The following RGPD2 variants were observed in gnomAD, a reference collection of about 807,000 sequenced individuals.
The protein encoded by RGPD2 is RANBP2 like and GRIP domain containing 2.
In RGPD2, 2 loss-of-function variants were observed where a neutral mutation model predicts 36.0. The ratio of observed to expected loss-of-function variants is 0.06; its 90% CI spans 0.02 to 0.17. RGPD2 has a LOEUF of 0.17. Among genes scored for constraint, RGPD2 ranks in the 10% least tolerant of loss-of-function variants. The probability of loss-of-function intolerance (pLI) is 1.00; values close to 1 mark genes in which losing one functional copy is unlikely to be tolerated. For missense variants in RGPD2, 40 were observed against 464.3 expected, an observed-to-expected ratio of 0.09 and a Z score of 8.40; for synonymous variants, 19 against 163.8, an observed-to-expected ratio of 0.12 and a Z score of 6.75.
At chr2:87,879,175 T>C in the RGPD2 span, among the ~76,000 whole-genome samples, 1 of 152,062 alleles carries the variant, frequency 6.6e-6, no homozygotes, top group Non-Finnish European at 1.5e-5. Flanking sequence ...TGTGGGTACA[T>C]AGTAGGTACA....
chr2:87,877,804 CAAAAAAAAAAA>C, the RGPD2 span, among the ~76,000 whole-genome samples: 37 of 84,398 alleles, frequency 4.4e-4, no homozygotes, highest in African/African-American at 1.5e-3. Flanking sequence ...GACTCCGTCT[CAAAAAAAAAAA>C]AAAAAAAAAA....
intron 21 of RGPD2, among the ~76,000 whole-genome samples, chr2:87,773,177 GTAAA>G (rs1685182161): frequency 8.1e-6 from 1 of 123,124 alleles, no homozygotes; most frequent in Admixed American, 8.8e-5. Context: ...ATAAGACAAT[GTAAA>G]ACACTATCAG....
chr2:87,883,086 TA>T, the RGPD2 span, among the ~76,000 whole-genome samples: 2 of 152,276 alleles, frequency 1.3e-5, no homozygotes, highest in Admixed American at 6.5e-5. Flanking sequence ...TTATAAAGTG[TA>T]AAAACAAAAC....
chr2:87,825,426 G>A (rs902285603), intron 1 of RGPD2, among the ~76,000 whole-genome samples: 2 of 116,414 alleles, frequency 1.7e-5, no homozygotes, highest in Non-Finnish European at 3.8e-5. Flanking sequence ...GGCCGCCGCC[G>A]CCGCCGCCGC....
chr2:87,854,097 C>G, the RGPD2 span, among the ~76,000 whole-genome samples: 2 of 146,828 alleles, frequency 1.4e-5, no homozygotes, highest in Non-Finnish European at 3.0e-5. Context: ...CCAGGCTGAA[C>G]ATATTATTAT....
the RGPD2 span, among the ~76,000 whole-genome samples, chr2:87,861,630 C>T: frequency 1.3e-5 from 2 of 152,210 alleles, no homozygotes; most frequent in South Asian, 4.1e-4. Flanking sequence ...GGAAAATTTT[C>T]AATTTCTTAA....
chr2:87,967,364 C>T, the RGPD2 span, among the ~76,000 whole-genome samples: 82 of 149,896 alleles, frequency 5.5e-4, no homozygotes, highest in East Asian at 0.011. Flanking sequence ...GCCGAGATTG[C>T]GCCACTGCAC....
the RGPD2 span, among the ~76,000 whole-genome samples, chr2:87,988,541 A>ATATATATATATTTTT: frequency 3.0e-4 from 16 of 54,142 alleles, no homozygotes; most frequent in Middle Eastern, 0.012. Flanking sequence ...ATATATATAT[A>ATATATATATATTTTT]TTTTTTTTTT....
In RGPD2 at chr2:87,756,167, T is replaced by G. The variant is rs1684715064; in HGVS notation, c.*1225A>C. 1 of 42,828 alleles carries G rather than the reference T, an allele frequency of 2.3e-5. No individual in the cohort carries two copies. The highest frequency in any genetic ancestry group is 5.3e-5 in the Non-Finnish European group (1 of 18,834). 2.7% of individuals were successfully genotyped at this position (42,828 alleles called of 1,614,324 possible). On this transcript the variant is annotated 3_prime_UTR_variant, in exon 23 of 23. Transcript: ENST00000398146. ...CACTAGCAAACACCTGCCAGCTGCA[T>G]GTGGACCCAGGTGGGCACCGGACTG...
intron 1 of RGPD2, chr2:87,824,969 C>T: frequency 2.6e-6 from 1 of 389,066 alleles, no homozygotes; most frequent in Non-Finnish European, 4.5e-6. Flanking sequence ...TACCGTATGG[C>T]CCACCATAAT....
the RGPD2 span, chr2:87,972,854 A>G: frequency 5.2e-5 from 83 of 1,611,118 alleles, 3 homozygotes; most frequent in Middle Eastern, 2.2e-4. Context: ...GACTGTCCTC[A>G]TCCTCTTTAG....
chr2:87,978,074 GC>G, the RGPD2 span, among the ~76,000 whole-genome samples: 1 of 149,086 alleles, frequency 6.7e-6, no homozygotes. Flanking sequence ...CTGAGATCAT[GC>G]CACTGCACTA....
chr2:87,986,267 C>T, the RGPD2 span, among the ~76,000 whole-genome samples: 25 of 150,832 alleles, frequency 1.7e-4, no homozygotes, highest in African/African-American at 3.9e-4. Flanking sequence ...ACCAAGTAGC[C>T]GGGATTACAG....
the RGPD2 span, among the ~76,000 whole-genome samples, chr2:87,915,598 A>G: frequency 2.1e-5 from 3 of 144,966 alleles, no homozygotes; most frequent in Admixed American, 1.4e-4. Context: ...ACACATATAT[A>G]TGTGTGTGTA....
chr2:87,971,474 A>G, the RGPD2 span, among the ~76,000 whole-genome samples: 4 of 129,444 alleles, frequency 3.1e-5, no homozygotes, highest in South Asian at 2.5e-4. Flanking sequence ...TATATATATA[A>G]TGAATATATT....
chr2:87,974,115 C>T, the RGPD2 span, among the ~76,000 whole-genome samples: 69,197 of 133,800 alleles, frequency 0.52, 16,678 homozygotes, highest in East Asian at 0.67. Flanking sequence ...AGGTCACCCA[C>T]CTGTGAGGTT....
At chr2:87,837,383 G>T in the RGPD2 span, among the ~76,000 whole-genome samples, 1 of 149,178 alleles carries the variant, frequency 6.7e-6, no homozygotes, top group Non-Finnish European at 1.5e-5. Flanking sequence ...TCAGACCACA[G>T]TGCAATATAA....
chr2:87,904,940 A>C, the RGPD2 span, among the ~76,000 whole-genome samples: 2 of 150,950 alleles, frequency 1.3e-5, no homozygotes, highest in Admixed American at 6.6e-5. Context: ...CACAGGCATT[A>C]AGTTAGGAAC....
chr2:87,884,204 T>C, the RGPD2 span, among the ~76,000 whole-genome samples: 1 of 151,866 alleles, frequency 6.6e-6, no homozygotes, highest in African/African-American at 2.4e-5. Context: ...AACTATTTAG[T>C]CAAAGAATAA....
Sources: allele counts gnomAD v4.1 joint callset (sites outside exome capture counted in the v4.1 genomes callset), GRCh38; gene constraint gnomAD v4.1.1; transcripts MANE v1.5; gene names NCBI Gene and HGNC (gene_info 2026-07-23, HGNC 2026-07-21).